The following CREB5 variants were observed in gnomAD, a reference collection of about 807,000 sequenced individuals.
The protein encoded by CREB5 is cAMP responsive element binding protein 5.
In CREB5, 19 loss-of-function variants were observed where a neutral mutation model predicts 57.1. The observed-to-expected ratio is 0.33, with a 90% CI of 0.23 to 0.49. CREB5 has a LOEUF of 0.49. Ranked by LOEUF, CREB5 falls within the 20% of genes least tolerant of loss-of-function variation. The pLI, the probability that CREB5 is intolerant of heterozygous loss-of-function variation, is 0.99. For missense variants in CREB5, 579 were observed against 671.6 expected (o/e 0.86, Z 1.52); for synonymous variants, 238 against 238.3 (o/e 1.00, Z 0.01).
At chr7:28,394,738 T>C (rs373707386) in intron 1 of CREB5, among the ~76,000 whole-genome samples, 21 of 152,328 alleles carry the variant, frequency 1.4e-4, no homozygotes, top group Admixed American at 1.1e-3. Context: ...GCATGCCTGT[T>C]GAGTGTTCAA....
chr7:28,462,470 C>T (rs1415382236), intron 1 of CREB5, among the ~76,000 whole-genome samples: 4 of 152,156 alleles, frequency 2.6e-5, no homozygotes, highest in Admixed American at 2.6e-4. Flanking sequence ...TTTGGTAACT[C>T]TTTGTTTAAC....
chr7:28,478,461 C>T (rs191898454), intron 1 of CREB5, among the ~76,000 whole-genome samples: 225 of 152,174 alleles, frequency 1.5e-3, no homozygotes, highest in Admixed American at 3.1e-3. Flanking sequence ...AGCTTTCTTA[C>T]TGAGAAGCTG....
chr7:28,743,587 G>A (rs1804501183), intron 7 of CREB5, among the ~76,000 whole-genome samples: 1 of 152,096 alleles, frequency 6.6e-6, no homozygotes, highest in Admixed American at 6.5e-5. Context: ...TTTCTGTATT[G>A]GTTTGTTAGC....
intron 4 of CREB5, among the ~76,000 whole-genome samples, chr7:28,565,115 A>G (rs1477117624): frequency 6.6e-6 from 1 of 152,210 alleles, no homozygotes; most frequent in East Asian, 1.9e-4. Flanking sequence ...TATATTTTCA[A>G]CACTATTACA....
chr7:28,447,983 G>A (rs150520330), intron 1 of CREB5, among the ~76,000 whole-genome samples: 1 of 152,222 alleles, frequency 6.6e-6, no homozygotes, highest in Admixed American at 6.5e-5. Flanking sequence ...AGGATACAAA[G>A]TATTGATCCT....
In CREB5 at chr7:28,511,986, A is replaced by G. The variant is rs147327714; in HGVS notation, c.291+4249A>G. Among the ~76,000 whole-genome samples the G allele has an allele frequency of 7.3e-3, 1,117 of 152,258 alleles. 14 individuals are homozygous for G. Among genetic ancestry groups the G allele is most frequent in the African/African-American group, 0.024 (979 of 41,498 alleles). ...GAGGCAGTGGATAGATTCTGGATAC[A>G]TTTTGAAGAGAGAGCCAACAGGATT... On this transcript the variant is annotated intron_variant, in intron 4 of 10. Transcript: ENST00000357727.
chr7:28,413,493 T>C (rs1450066467), intron 1 of CREB5, among the ~76,000 whole-genome samples: 4 of 152,170 alleles, frequency 2.6e-5, no homozygotes, highest in Admixed American at 2.0e-4. Context: ...GCATTTTATA[T>C]GGATCTCTTA....
chr7:28,807,442 C>A (rs957492423), intron 8 of CREB5, among the ~76,000 whole-genome samples: 2 of 152,158 alleles, frequency 1.3e-5, no homozygotes, highest in Non-Finnish European at 2.9e-5. Flanking sequence ...GAGAGAGACT[C>A]CGTCTCAAGA....
chr7:28,793,642 C>T (rs1807858138), intron 7 of CREB5, among the ~76,000 whole-genome samples: 1 of 152,220 alleles, frequency 6.6e-6, no homozygotes, highest in African/African-American at 2.4e-5. Flanking sequence ...ATCAAGCGAG[C>T]CGAGCACAGC....
rs1802715465 is a variant in CREB5 at position 28,716,831 on chromosome 7, G to A, written c.465-1922G>A. Among the ~76,000 whole-genome samples the A allele has an allele frequency of 3.3e-5, 5 of 152,276 alleles. No homozygotes were observed. In the South Asian group the frequency reaches 1.0e-3, roughly 32 times the overall value. ...TATTTTGGATCAATTGAAACCAGCA[G>A]TCTTCTAGATCTGTAAAAGCCAAAG... On this transcript the variant is annotated intron_variant, in intron 5 of 10. Coordinates refer to ENST00000357727, the MANE Select transcript of CREB5 (RefSeq NM_182898.4).
At chr7:28,742,012 G>C (rs1804381917) in intron 7 of CREB5, among the ~76,000 whole-genome samples, 1 of 144,870 alleles carries the variant, frequency 6.9e-6, no homozygotes, top group African/African-American at 2.6e-5. Context: ...GTTGCAGTGA[G>C]CAGAGATCAC....
intron 5 of CREB5, among the ~76,000 whole-genome samples, chr7:28,680,959 T>G (rs1800558867): frequency 6.6e-6 from 1 of 152,098 alleles, no homozygotes; most frequent in South Asian, 2.1e-4. Context: ...AACAGGAGAA[T>G]ATTTAGCTGC....
intron 7 of CREB5, among the ~76,000 whole-genome samples, chr7:28,756,822 T>C (rs1186227613): frequency 6.6e-6 from 1 of 152,100 alleles, no homozygotes; most frequent in African/African-American, 2.4e-5. Context: ...TTATTGGAAA[T>C]TGACAACAGC....
chr7:28,436,725 A>C (rs1182767977), intron 1 of CREB5, among the ~76,000 whole-genome samples: 1 of 152,118 alleles, frequency 6.6e-6, no homozygotes, highest in African/African-American at 2.4e-5. Context: ...ATTAGGTTTG[A>C]AATGAGAGTA....
intron 7 of CREB5, among the ~76,000 whole-genome samples, chr7:28,802,078 GAAAA>G (rs35658848): frequency 3.8e-5 from 1 of 26,636 alleles, no homozygotes; most frequent in Non-Finnish European, 6.5e-5. Context: ...GACTCCATCT[GAAAA>G]AAAAAAAAAA....
At chr7:28,581,231 G>C (rs551888202) in intron 5 of CREB5, among the ~76,000 whole-genome samples, 2 of 152,300 alleles carry the variant, frequency 1.3e-5, no homozygotes, top group Non-Finnish European at 2.9e-5. Flanking sequence ...ACAAACTCCA[G>C]ATTCCAGATT....
intron 5 of CREB5, among the ~76,000 whole-genome samples, chr7:28,717,552 C>G (rs936763924): frequency 3.3e-5 from 5 of 152,186 alleles, no homozygotes; most frequent in Non-Finnish European, 7.4e-5. Context: ...AGCTCCTTCT[C>G]CTACTCTGGT....
intron 5 of CREB5, among the ~76,000 whole-genome samples, chr7:28,698,189 A>G (rs895605898): frequency 6.6e-6 from 1 of 152,134 alleles, no homozygotes; most frequent in Non-Finnish European, 1.5e-5. Flanking sequence ...GGTTTGAGAC[A>G]TTTTTACCGA....
rs1405706071 is a variant in CREB5 at position 28,818,180 on chromosome 7, G to A, written c.1363+1G>A. ...CAGAAAGAATCACAAGGATATCTAA[G>A]TAAGTCGCCGACTTTTTCACTTTTC... On this transcript the variant is annotated splice_donor_variant, in intron 10 of 10. Coordinates refer to ENST00000357727, the MANE Select transcript of CREB5 (RefSeq NM_182898.4). LOFTEE classifies it high-confidence loss of function. The A allele has an allele frequency of 6.2e-7, 1 of 1,604,558 alleles. No homozygotes were observed. The highest frequency in any genetic ancestry group is 8.5e-7 in the Non-Finnish European group (1 of 1,173,716).
Sources: allele counts gnomAD v4.1 joint callset (sites outside exome capture counted in the v4.1 genomes callset), GRCh38; gene constraint gnomAD v4.1.1; transcripts MANE v1.5; gene names NCBI Gene and HGNC (gene_info 2026-07-23, HGNC 2026-07-21).